Variants in LRP1B observed in about 807,000 individuals in gnomAD.
LRP1B encodes low-density lipoprotein receptor-related protein 1B.
Under a neutral mutation model 556.6 loss-of-function variants are expected in LRP1B, and 217 were observed. The observed-to-expected ratio is 0.39, with a 90% CI of 0.35 to 0.44. The LOEUF (loss-of-function observed/expected upper bound fraction) is 0.44, where lower values mean the gene tolerates loss of function less well. LRP1B is among the 20% of genes least tolerant of loss of function. LRP1B has a pLI of 1.00. For missense variants in LRP1B, 5,053 were observed against 5,620.8 expected (o/e 0.90, Z 3.23); for synonymous variants, 2,047 against 1,865.8 (o/e 1.10, Z -2.50).
At chr2:141,643,458 A>G (rs922466344) in intron 2 of LRP1B, among the ~76,000 whole-genome samples, 1 of 152,192 alleles carries the variant, frequency 6.6e-6, no homozygotes, top group East Asian at 1.9e-4. Flanking sequence ...ACGGAGAGGA[A>G]TATGGAAATT....
At chr2:141,527,423 A>C (rs937269422) in intron 2 of LRP1B, among the ~76,000 whole-genome samples, 1 of 152,030 alleles carries the variant, frequency 6.6e-6, no homozygotes, top group African/African-American at 2.4e-5. Flanking sequence ...CAAAAAAAAA[A>C]ATCACCAATT....
chr2:141,392,809 T>C (rs1449440855), intron 3 of LRP1B, among the ~76,000 whole-genome samples: 2 of 152,186 alleles, frequency 1.3e-5, no homozygotes, highest in African/African-American at 4.8e-5. Context: ...TGTCGAGTCA[T>C]GTATCCTATA....
chr2:140,805,957 A>G (rs1268556147), intron 32 of LRP1B, among the ~76,000 whole-genome samples: 2 of 152,106 alleles, frequency 1.3e-5, no homozygotes, highest in African/African-American at 4.8e-5. Context: ...CTAATCCCCA[A>G]TTTGATGGAA....
intron 2 of LRP1B, among the ~76,000 whole-genome samples, chr2:141,570,584 A>G (rs919056515): frequency 6.6e-6 from 1 of 150,400 alleles, no homozygotes; most frequent in Non-Finnish European, 1.5e-5. Flanking sequence ...CTATCTAAAC[A>G]GTTTGACCTC....
intron 7 of LRP1B, among the ~76,000 whole-genome samples, chr2:141,095,183 AG>A (rs1390898168): frequency 6.6e-6 from 1 of 151,686 alleles, no homozygotes; most frequent in African/African-American, 2.4e-5. Flanking sequence ...AGCTGTGAGA[AG>A]TAAATTTCTA....
intron 82 of LRP1B, among the ~76,000 whole-genome samples, chr2:140,321,482 G>A (rs1029088333): frequency 5.3e-5 from 8 of 151,786 alleles, no homozygotes; most frequent in Non-Finnish European, 1.0e-4. Context: ...GGTAATAGCA[G>A]TAGTAGTAGT....
intron 2 of LRP1B, among the ~76,000 whole-genome samples, chr2:141,716,912 C>G (rs1692618072): frequency 6.6e-6 from 1 of 152,126 alleles, no homozygotes; most frequent in African/African-American, 2.4e-5. Flanking sequence ...CCATACTTGC[C>G]TACTGCCAAG....
chr2:140,430,626 C>T (rs975884037), intron 66 of LRP1B, among the ~76,000 whole-genome samples: 14 of 152,204 alleles, frequency 9.2e-5, no homozygotes, highest in Admixed American at 8.5e-4. Context: ...TTCCACCTAT[C>T]AATCTCTTCC....
chr2:140,397,914 ATGCT>A (rs1684322317), intron 66 of LRP1B, among the ~76,000 whole-genome samples: 1 of 152,192 alleles, frequency 6.6e-6, no homozygotes, highest in African/African-American at 2.4e-5. Flanking sequence ...CATTCTAATG[ATGCT>A]TGCATAGGTG....
At chr2:141,680,953 G>T (rs532308094) in intron 2 of LRP1B, among the ~76,000 whole-genome samples, 1 of 152,158 alleles carries the variant, frequency 6.6e-6, no homozygotes, top group South Asian at 2.1e-4. Context: ...GTTGCATTTT[G>T]CCACAAACTC....
intron 20 of LRP1B, among the ~76,000 whole-genome samples, chr2:140,938,496 A>G (rs1222771800): frequency 2.6e-5 from 4 of 152,066 alleles, no homozygotes; most frequent in African/African-American, 9.7e-5. Flanking sequence ...CTTTAATTGA[A>G]ATTGAGTATG....
intron 10 of LRP1B, 90 bp downstream of exon 10, chr2:141,055,026 G>A (rs2105455202): frequency 6.9e-7 from 1 of 1,447,460 alleles, no homozygotes; most frequent in Non-Finnish European, 9.4e-7. Flanking sequence ...GAAGTCTCAT[G>A]TTATGACTGA....
At chr2:140,785,700 T>C (rs566315215) in intron 32 of LRP1B, among the ~76,000 whole-genome samples, 1 of 152,266 alleles carries the variant, frequency 6.6e-6, no homozygotes, top group African/African-American at 2.4e-5. Context: ...ATCCTCCTGA[T>C]GTATTTAACT....
At chr2:140,820,102 A>C (rs7590100) in intron 31 of LRP1B, among the ~76,000 whole-genome samples, 111,183 of 152,002 alleles carry the variant, frequency 0.73, 43,663 homozygotes, top group East Asian at 0.89. Context: ...CGGGCTCAAG[A>C]GATTCTCTTG....
At position 142,130,901 on chromosome 2, in the gene LRP1B, CT is replaced by C. The variant is rs2105028599; in HGVS notation, c.-173del. The stretch of plus-strand genomic sequence containing the variant: ...GTCCAGCCAGTCAGCCTTCTCCTGC[CT>C]GGAGCAGGATGTGGAAGGTGGAGGG... On this transcript the variant is annotated 5_prime_UTR_variant, in exon 1 of 91. Coordinates refer to ENST00000389484, the MANE Select transcript of LRP1B (RefSeq NM_018557.3). 1.5e-6 allele frequency: 1 copy of C among 666,478 alleles called. No individual in the cohort carries two copies. The highest frequency in any genetic ancestry group is 1.6e-5 in the South Asian group (1 of 62,480). The allele number at this position is 666,478 out of a possible 1,614,324, so 41.3% of individuals were successfully genotyped here. A position where few individuals can be genotyped will look rare whatever the true frequency, so the allele number is the denominator to read the frequency against.
At chr2:140,640,223 A>AC (rs201198286) in intron 41 of LRP1B, among the ~76,000 whole-genome samples, 11,018 of 147,856 alleles carry the variant, frequency 0.075, 496 homozygotes, top group African/African-American at 0.11. Context: ...CGATCTCCTG[A>AC]CTCGTGATCC....
chr2:140,958,821 C>G (rs1047548388), intron 18 of LRP1B, among the ~76,000 whole-genome samples: 1 of 151,412 alleles, frequency 6.6e-6, no homozygotes, highest in African/African-American at 2.4e-5. Context: ...TTACCCACCA[C>G]CCCCACTGAA....
chr2:140,999,967 A>T (rs1316178360), intron 15 of LRP1B, among the ~76,000 whole-genome samples: 1 of 152,048 alleles, frequency 6.6e-6, no homozygotes, highest in East Asian at 1.9e-4. Flanking sequence ...GCTGGAGAGC[A>T]GTGGCACATA....
intron 87 of LRP1B, 29 bp downstream of exon 87, chr2:140,247,057 T>A (rs768470511): frequency 3.1e-5 from 47 of 1,521,724 alleles, no homozygotes; most frequent in Non-Finnish European, 3.9e-5. Flanking sequence ...CAGTGTAGAT[T>A]ACCCAAAATA....
Sources: allele counts gnomAD v4.1 joint callset (sites outside exome capture counted in the v4.1 genomes callset), GRCh38; gene constraint gnomAD v4.1.1; transcripts MANE v1.5; gene names NCBI Gene and HGNC (gene_info 2026-07-23, HGNC 2026-07-21).